The following MAPK10 variants were observed in gnomAD, a reference collection of about 807,000 sequenced individuals.
The protein encoded by MAPK10 is mitogen-activated protein kinase 10.
MAPK10 carries 25 observed loss-of-function variants against 59.3 expected under a neutral mutation model. The observed-to-expected ratio is 0.42, with a 90% CI of 0.31 to 0.59. The LOEUF is 0.59. MAPK10 is among the 20% of genes least tolerant of loss of function. The pLI is 0.15. For synonymous variants in MAPK10, 190 were observed against 200.5 expected, an observed-to-expected ratio of 0.95 and a Z score of 0.44; for missense variants, 351 against 568.9, an observed-to-expected ratio of 0.62 and a Z score of 3.90.
At chr4:86,191,152 G>A (rs1471729486) in intron 3 of MAPK10, among the ~76,000 whole-genome samples, 1 of 152,152 alleles carries the variant, frequency 6.6e-6, no homozygotes, top group Non-Finnish European at 1.5e-5. Flanking sequence ...GCTGAGGAGT[G>A]TTTTACTTCC....
intron 2 of MAPK10, among the ~76,000 whole-genome samples, chr4:86,279,226 TTA>T (rs2094702094): frequency 6.6e-6 from 1 of 152,184 alleles, no homozygotes; most frequent in Non-Finnish European, 1.5e-5. Context: ...CAGTTTATCA[TTA>T]TACAAAACAC....
chr4:86,395,230 C>A (rs1439745209), intron 1 of MAPK10, among the ~76,000 whole-genome samples: 1 of 152,082 alleles, frequency 6.6e-6, no homozygotes, highest in Non-Finnish European at 1.5e-5. Flanking sequence ...TAGCTAAGGT[C>A]AAAATTCATA....
At chr4:86,508,586 T>C (rs1391905841) in intron 1 of MAPK10, among the ~76,000 whole-genome samples, 1 of 152,238 alleles carries the variant, frequency 6.6e-6, no homozygotes, top group East Asian at 1.9e-4. Context: ...TCTGCATGGC[T>C]GGGTTAAAAA....
intron 2 of MAPK10, among the ~76,000 whole-genome samples, chr4:86,241,209 T>C (rs774998157): frequency 2.1e-4 from 32 of 152,206 alleles, no homozygotes; most frequent in Non-Finnish European, 2.5e-4. Context: ...AGGTCCACTG[T>C]TAGTCTGATG....
intron 11 of MAPK10, among the ~76,000 whole-genome samples, chr4:86,060,302 A>G (rs1482198065): frequency 1.3e-5 from 2 of 152,116 alleles, no homozygotes; most frequent in Non-Finnish European, 2.9e-5. Context: ...CCCTCTCCCT[A>G]TGCCCTTGCA....
At chr4:86,109,402 C>T (rs530219540) in intron 4 of MAPK10, among the ~76,000 whole-genome samples, 4 of 152,182 alleles carry the variant, frequency 2.6e-5, no homozygotes, top group South Asian at 2.1e-4. Flanking sequence ...CTGGCCCCAA[C>T]GGGCCCCAAT....
intron 4 of MAPK10, among the ~76,000 whole-genome samples, chr4:86,118,453 C>T (rs1326585320): frequency 1.3e-5 from 2 of 152,166 alleles, no homozygotes; most frequent in Non-Finnish European, 2.9e-5. Context: ...CACACCTCCA[C>T]TTCTACCAGG....
intron 1 of MAPK10, among the ~76,000 whole-genome samples, chr4:86,408,010 C>G (rs1429744453): frequency 1.3e-5 from 2 of 151,992 alleles, no homozygotes; most frequent in Non-Finnish European, 2.9e-5. Flanking sequence ...CCCATCAACT[C>G]GTCATTTACA....
At chr4:86,151,661 G>A (rs373860308) in intron 4 of MAPK10, among the ~76,000 whole-genome samples, 23 of 152,242 alleles carry the variant, frequency 1.5e-4, no homozygotes, top group African/African-American at 5.1e-4. Flanking sequence ...GCAGGAGTGT[G>A]ACAGGTTCAG....
At chr4:86,372,564 G>GAAAGAAAGAAAGAAAGAAAGAAAGAAAGA in intron 1 of MAPK10, among the ~76,000 whole-genome samples, 2 of 78,702 alleles carry the variant, frequency 2.5e-5, no homozygotes, top group Non-Finnish European at 5.6e-5. Flanking sequence ...AAGAAAGAAA[G>GAAAGAAAGAAAGAAAGAAAGAAAGAAAGA]AAAGAAAAGA....
intron 2 of MAPK10, among the ~76,000 whole-genome samples, chr4:86,346,672 C>T (rs1401762344): frequency 2.6e-5 from 4 of 151,350 alleles, no homozygotes; most frequent in Non-Finnish European, 2.9e-5. Context: ...GAAAAGTCAG[C>T]CCTCCGTATC....
At chr4:86,422,321 T>C (rs974736371) in intron 1 of MAPK10, among the ~76,000 whole-genome samples, 2 of 152,178 alleles carry the variant, frequency 1.3e-5, no homozygotes, top group Non-Finnish European at 2.9e-5. Context: ...ACTTAATGTA[T>C]TATACCTTAA....
chr4:86,266,387 T>C (rs1438610510), intron 2 of MAPK10, among the ~76,000 whole-genome samples: 3 of 152,170 alleles, frequency 2.0e-5, no homozygotes, highest in Admixed American at 6.6e-5. Flanking sequence ...TCTGTATTAA[T>C]AGTCTCTACC....
At chr4:86,151,885 T>G (rs560558151) in intron 4 of MAPK10, 1 of 152,384 alleles carries the variant, frequency 6.6e-6, no homozygotes, top group African/African-American at 2.4e-5. Flanking sequence ...GTATTAGATC[T>G]TCTGTAAACT....
Position 86,129,611 on chromosome 4 carries a change from A to G in MAPK10, c.237-22259T>C, listed in dbSNP as rs1158804178. Among the ~76,000 whole-genome samples the G allele has an allele frequency of 2.6e-5, 4 of 152,292 alleles. No individual in the cohort carries two copies. In the East Asian group the frequency reaches 7.7e-4, roughly 29 times the overall value. On this transcript the variant is annotated intron_variant, in intron 4 of 13. Transcript: ENST00000641462. Reference sequence around the variant, plus strand: ...TGCACAATTACCTAAAAAGTATCACACCAATCAAATACGAGTATTGATTTT... The same window carrying G: ...TGCACAATTACCTAAAAAGTATCACGCCAATCAAATACGAGTATTGATTTT...
At chr4:86,075,097 T>C (rs1402574352) in intron 9 of MAPK10, among the ~76,000 whole-genome samples, 1 of 150,874 alleles carries the variant, frequency 6.6e-6, no homozygotes, top group East Asian at 1.9e-4. Context: ...TCATTTCTTT[T>C]TATTCTTTTT....
At chr4:86,540,731 A>G (rs544792620) in intron 1 of MAPK10, among the ~76,000 whole-genome samples, 2 of 152,014 alleles carry the variant, frequency 1.3e-5, no homozygotes, top group African/African-American at 4.8e-5. Context: ...AGAGGGAAAA[A>G]AGAGAAGAAA....
At chr4:86,305,187 G>A (rs927410119) in intron 2 of MAPK10, among the ~76,000 whole-genome samples, 2 of 152,046 alleles carry the variant, frequency 1.3e-5, no homozygotes, top group Non-Finnish European at 2.9e-5. Context: ...CTGACCTATT[G>A]TTGAAACACA....
chr4:86,267,461 A>ACCC (rs1004297971), intron 2 of MAPK10, among the ~76,000 whole-genome samples: 1 of 152,146 alleles, frequency 6.6e-6, no homozygotes, highest in Non-Finnish European at 1.5e-5. Flanking sequence ...TTGCTTTGAG[A>ACCC]CCTACAGGAC....
Sources: allele counts gnomAD v4.1 joint callset (sites outside exome capture counted in the v4.1 genomes callset), GRCh38; gene constraint gnomAD v4.1.1; transcripts MANE v1.5; gene names NCBI Gene and HGNC (gene_info 2026-07-23, HGNC 2026-07-21).